The following FANCA variants were observed in gnomAD, a reference collection of about 807,000 sequenced individuals.
The protein encoded by FANCA is FA complementation group A.
Under a neutral mutation model 194.3 loss-of-function variants are expected in FANCA, and 236 were observed. That is an observed-to-expected ratio of 1.21 (90% CI 1.09 to 1.35). The LOEUF (loss-of-function observed/expected upper bound fraction) is 1.35, where lower values mean the gene tolerates loss of function less well. Among genes scored for constraint, FANCA ranks in the 40% most tolerant of loss-of-function variants. The pLI is 0.00. For synonymous variants in FANCA, 1,014 were observed against 715.8 expected, an observed-to-expected ratio of 1.42 and a Z score of -6.65; for missense variants, 2,628 against 1,813.9, an observed-to-expected ratio of 1.45 and a Z score of -8.15.
intron 14 of FANCA, chr16:89,791,021 GTGTTT>G (rs2040054612): frequency 5.4e-5 from 12 of 222,744 alleles, no homozygotes; most frequent in South Asian, 1.5e-4. Flanking sequence ...GTGTGTGTGT[GTGTTT>G]TTTTTTTTTT....
chr16:89,792,595 T>C (rs1049190718), intron 11 of FANCA, 48 bp from the exon 12 acceptor site: 18 of 1,537,968 alleles, frequency 1.2e-5, no homozygotes, highest in East Asian at 2.6e-5. Flanking sequence ...GATCAAAAAG[T>C]TGTGGGTTTT....
rs2038840287 is a variant in FANCA, at chr16:89,758,604, A to T, written c.2954T>A (p.Val985Asp). The T allele has an allele frequency of 6.2e-7, 1 of 1,614,032 alleles. No homozygotes were observed. Among genetic ancestry groups the T allele is most frequent in the Non-Finnish European group, 8.5e-7 (1 of 1,179,932 alleles). Residue 985 changes from valine (V) to aspartate (D), a missense_variant, in exon 30 of 43, where the codon GTC (valine) becomes GAC (aspartate). By Grantham distance (152) the Val-to-Asp change is radical (BLOSUM62 -3). Transcript: ENST00000389301. ...GDLQAACTIL[V>D]NALMDFHQSS... is the part of the protein sequence containing the mutation. ...TTGGTGGAAATCCATCAGTGCGTTG[A>T]CAAGAATGGTACACGCAGCCTGCAG...
intron 15 of FANCA, among the ~76,000 whole-genome samples, chr16:89,784,527 C>T (rs1231314687): frequency 6.6e-6 from 1 of 151,892 alleles, no homozygotes; most frequent in African/African-American, 2.4e-5. Flanking sequence ...CACGTCACCA[C>T]TCAGACCTGC....
chr16:89,773,908 T>C (rs1363863141), intron 21 of FANCA, among the ~76,000 whole-genome samples: 2 of 151,872 alleles, frequency 1.3e-5, no homozygotes, highest in Non-Finnish European at 2.9e-5. Context: ...TAGCTGGGAC[T>C]ACAGGCACGC....
chr16:89,746,840 G>A lies in FANCA; in HGVS notation c.3399C>T (p.His1133=). ...GGALTQDITA[H]FFRGLLNACL... is the part of the protein sequence containing the mutation. ...TGAGGGAGCATCTCACCCTGAAGAA[G>A]TGGGCAGTGATGTCCTGTGTCAGGG... The change falls in exon 34 of 43, where the codon CAC becomes CAT. Residue 1133 remains histidine (H), a synonymous_variant. Transcript: ENST00000389301. 6.4e-7 allele frequency: 1 copy of A among 1,564,706 alleles called. No individual in the cohort carries two copies. Among genetic ancestry groups the A allele is most frequent in the Non-Finnish European group, 8.7e-7 (1 of 1,153,414 alleles).
At chr16:89,756,472 T>C (rs758100399) in intron 30 of FANCA, among the ~76,000 whole-genome samples, 4 of 152,040 alleles carry the variant, frequency 2.6e-5, no homozygotes, top group Non-Finnish European at 5.9e-5. Flanking sequence ...CTACTACAAC[T>C]ACAAAAATTT....
chr16:89,745,104 T>G, intron 35 of FANCA, 33 bp from the exon 36 acceptor site: 1 of 1,541,428 alleles, frequency 6.5e-7, no homozygotes, highest in East Asian at 2.4e-5. Flanking sequence ...CAGATGAGGG[T>G]GGCTGAGATG....
intron 14 of FANCA, among the ~76,000 whole-genome samples, chr16:89,789,308 G>C (rs997668060): frequency 7.7e-5 from 8 of 103,866 alleles, no homozygotes; most frequent in African/African-American, 1.1e-4. Flanking sequence ...AGAAGGCCTG[G>C]GGGGGGAGCA....
At chr16:89,771,150 T>C (rs1216826483) in intron 23 of FANCA, among the ~76,000 whole-genome samples, 3 of 97,354 alleles carry the variant, frequency 3.1e-5, no homozygotes, top group African/African-American at 9.7e-5. Context: ...CAGAGAAGAC[T>C]CAGTCAAAAA....
intron 35 of FANCA, among the ~76,000 whole-genome samples, chr16:89,746,222 C>T (rs963064895): frequency 1.3e-5 from 2 of 152,132 alleles, no homozygotes; most frequent in African/African-American, 2.4e-5. Flanking sequence ...GCTCTCGTGA[C>T]GGGGCACAGG....
At chr16:89,768,451 T>C (rs193150168) in intron 26 of FANCA, among the ~76,000 whole-genome samples, 2 of 151,528 alleles carry the variant, frequency 1.3e-5, no homozygotes, top group Non-Finnish European at 2.9e-5. Flanking sequence ...AGGTCAGGAG[T>C]TCAAGACCAG....
intron 11 of FANCA, among the ~76,000 whole-genome samples, chr16:89,793,403 G>C (rs556537148): frequency 6.6e-6 from 1 of 152,258 alleles, no homozygotes; most frequent in South Asian, 2.1e-4. Flanking sequence ...GCTTTTCCTA[G>C]GTTATGATTA....
chr16:89,805,845 G>C (rs1489701386), intron 6 of FANCA, among the ~76,000 whole-genome samples: 3 of 152,010 alleles, frequency 2.0e-5, no homozygotes, highest in African/African-American at 7.2e-5. Flanking sequence ...AAATTCATTT[G>C]TGGTTAGAGA....
At chr16:89,770,680 G>A (rs1308640679) in intron 23 of FANCA, 46 bp from the exon 24 acceptor site, 2 of 1,522,374 alleles carry the variant, frequency 1.3e-6, no homozygotes, top group Admixed American at 3.8e-5. Flanking sequence ...GGGGACGGGA[G>A]CAGCAGGAAG....
At chr16:89,805,187 C>A in intron 7 of FANCA, 93 bp downstream of exon 7, 1 of 947,104 alleles carries the variant, frequency 1.1e-6, no homozygotes, top group Non-Finnish European at 1.7e-6. Context: ...GAGAGACAGG[C>A]TGTTCTGCCT....
chr16:89,777,832 G>A (rs1385917936), intron 20 of FANCA, among the ~76,000 whole-genome samples: 1 of 151,712 alleles, frequency 6.6e-6, no homozygotes, highest in Non-Finnish European at 1.5e-5. Flanking sequence ...TCTCCTCTCT[G>A]CACAATCATT....
At chr16:89,776,846 GA>G (rs1010947198) in intron 20 of FANCA, among the ~76,000 whole-genome samples, 35 of 150,192 alleles carry the variant, frequency 2.3e-4, no homozygotes, top group Non-Finnish European at 3.9e-4. Context: ...ATAAATTAAA[GA>G]AAAAAAAATA....
Position 89,774,965 on chromosome 16 carries a change from G to A in FANCA, c.1900+777C>T, listed in dbSNP as rs1026395762. Among the ~76,000 whole-genome samples the A allele has an allele frequency of 4.6e-5, 7 of 151,790 alleles. No individual in the cohort carries two copies. In the East Asian group the frequency reaches 7.8e-4, roughly 17 times the overall value. ...AAAAACTAGCAAGGCGTAGTAGTGC[G>A]TGCCTATAATCCCAGCTATTACAGA... On this transcript the variant is annotated intron_variant, in intron 21 of 42. Coordinates refer to ENST00000389301, the MANE Select transcript of FANCA (RefSeq NM_000135.4).
At chr16:89,775,131 T>C (rs1175831224) in intron 21 of FANCA, among the ~76,000 whole-genome samples, 2 of 151,042 alleles carry the variant, frequency 1.3e-5, no homozygotes, top group African/African-American at 4.9e-5. Context: ...CTCAGATCTA[T>C]GTCTTCAGCT....
Sources: allele counts gnomAD v4.1 joint callset (sites outside exome capture counted in the v4.1 genomes callset), GRCh38; gene constraint gnomAD v4.1.1; transcripts MANE v1.5; gene names NCBI Gene and HGNC (gene_info 2026-07-23, HGNC 2026-07-21).